Variants in FRK observed in about 807,000 individuals in gnomAD.
The protein encoded by FRK is fyn related Src family tyrosine kinase.
A neutral mutation model predicts 56.4 loss-of-function variants in FRK; 51 were observed. The observed-to-expected ratio is 0.90, with a 90% CI of 0.72 to 1.14. FRK has a LOEUF of 1.14. Ranked by LOEUF, FRK falls within the 50% of genes most tolerant of loss-of-function variation. FRK has a pLI of 0.00. For synonymous variants in FRK, 245 were observed against 217.9 expected, an observed-to-expected ratio of 1.12 and a Z score of -1.10; for missense variants, 570 against 601.4, an observed-to-expected ratio of 0.95 and a Z score of 0.55.
At chr6:115,956,183 T>G (rs1448832611) in intron 5 of FRK, among the ~76,000 whole-genome samples, 1 of 152,218 alleles carries the variant, frequency 6.6e-6, no homozygotes, top group African/African-American at 2.4e-5. Context: ...AAACATCCAT[T>G]CTTTAATTTC....
At chr6:116,037,673 T>A (rs1323103419) in intron 1 of FRK, among the ~76,000 whole-genome samples, 4 of 152,238 alleles carry the variant, frequency 2.6e-5, no homozygotes, top group African/African-American at 9.6e-5. Context: ...ATTCTCACTT[T>A]ACTTGTTTTC....
intron 1 of FRK, among the ~76,000 whole-genome samples, chr6:116,041,352 G>T (rs964323295): frequency 1.3e-4 from 20 of 152,174 alleles, no homozygotes; most frequent in Non-Finnish European, 2.5e-4. Context: ...GAAAACCAGG[G>T]CTTCTTAATT....
At chr6:115,980,738 T>C in intron 2 of FRK, among the ~76,000 whole-genome samples, 1 of 152,168 alleles carries the variant, frequency 6.6e-6, no homozygotes. Flanking sequence ...CTTGATATTC[T>C]TTCCATAAAG....
At chr6:115,996,218 T>C (rs1183156027) in intron 2 of FRK, among the ~76,000 whole-genome samples, 1 of 152,152 alleles carries the variant, frequency 6.6e-6, no homozygotes, top group South Asian at 2.1e-4. Flanking sequence ...CTGTAGTTAA[T>C]GGTAATACAA....
At chr6:116,052,716 G>A (rs978780561) in intron 1 of FRK, among the ~76,000 whole-genome samples, 7 of 152,092 alleles carry the variant, frequency 4.6e-5, no homozygotes, top group African/African-American at 1.7e-4. Flanking sequence ...GAGGGTTATA[G>A]GCAGAGAGAA....
chr6:116,027,328 G>C (rs559512361), intron 1 of FRK, among the ~76,000 whole-genome samples: 1 of 152,208 alleles, frequency 6.6e-6, no homozygotes, highest in Non-Finnish European at 1.5e-5. Flanking sequence ...GTTGACAGAA[G>C]AAAATACTTA....
chr6:116,082,129 T>C, the FRK span, among the ~76,000 whole-genome samples: 2 of 152,098 alleles, frequency 1.3e-5, no homozygotes, highest in Admixed American at 1.3e-4. Flanking sequence ...CGCTGAAAGA[T>C]CTCTGAAGGG....
At chr6:115,946,863 G>C (rs1341507832) in intron 5 of FRK, among the ~76,000 whole-genome samples, 2 of 152,124 alleles carry the variant, frequency 1.3e-5, no homozygotes, top group African/African-American at 4.8e-5. Context: ...TGAAGAAAAG[G>C]ACTAAGACAT....
Position 115,953,228 on chromosome 6 carries a change from C to T in FRK, c.958+3224G>A, listed in dbSNP as rs1484965244. On this transcript the variant is annotated intron_variant, in intron 5 of 7. Coordinates refer to ENST00000606080, the MANE Select transcript of FRK (RefSeq NM_002031.3). ...TTTTTGAGACGGAGTCTCGCTCTGT[C>T]GCCCAGGCTGGAGTGCAGTGGCGGG... Among the ~76,000 whole-genome samples, 257 of 103,288 alleles carry T rather than the reference C, an allele frequency of 2.5e-3. 2 individuals are homozygous for T. The highest frequency in any genetic ancestry group is 9.4e-3 in the African/African-American group (245 of 26,048). The allele number at this position is 103,288 out of a possible 152,430, so 67.8% of individuals were successfully genotyped here.
At chr6:116,027,127 C>T (rs930711690) in intron 1 of FRK, among the ~76,000 whole-genome samples, 39 of 152,244 alleles carry the variant, frequency 2.6e-4, no homozygotes, top group African/African-American at 8.7e-4. Context: ...TTACTAATTA[C>T]TTCACAAAGT....
rs964464839 is a variant in FRK, at chr6:115,942,178, G to C, written c.*236C>G. 1.2e-5 allele frequency: 5 copies of C among 414,234 alleles called. No homozygotes were observed. The highest frequency in any genetic ancestry group is 1.0e-4 in the African/African-American group (5 of 49,166). 25.7% of individuals were successfully genotyped at this position (414,234 alleles called of 1,614,324 possible). A position where few individuals can be genotyped will look rare whatever the true frequency, so the allele number is the denominator to read the frequency against. On this transcript the variant is annotated 3_prime_UTR_variant, in exon 8 of 8. Coordinates refer to ENST00000606080, the MANE Select transcript of FRK (RefSeq NM_002031.3). ...TTAAAAAGAAAAATAACTTGGTTTA[G>C]TGTGCTTAATTTTACCAGGCAGTGA...
At chr6:115,982,041 G>A (rs952080735) in intron 2 of FRK, among the ~76,000 whole-genome samples, 2 of 152,150 alleles carry the variant, frequency 1.3e-5, no homozygotes, top group Non-Finnish European at 2.9e-5. Context: ...GTTATTTCTG[G>A]GAGTATCTGT....
At chr6:116,013,798 G>C (rs1275616806) in intron 1 of FRK, among the ~76,000 whole-genome samples, 2 of 152,128 alleles carry the variant, frequency 1.3e-5, no homozygotes, top group African/African-American at 4.8e-5. Flanking sequence ...TTTGAGTTTA[G>C]TCAGCTAGTA....
At chr6:115,978,844 G>C (rs1259076371) in intron 2 of FRK, among the ~76,000 whole-genome samples, 1 of 151,992 alleles carries the variant, frequency 6.6e-6, no homozygotes, top group African/African-American at 2.4e-5. Context: ...TTATTTGAGA[G>C]TGTACCCTAC....
At chr6:116,016,835 C>T (rs1369864597) in intron 1 of FRK, among the ~76,000 whole-genome samples, 1 of 152,020 alleles carries the variant, frequency 6.6e-6, no homozygotes, top group Non-Finnish European at 1.5e-5. Flanking sequence ...ATGTTAATAA[C>T]TAAAGATAGT....
chr6:116,021,754 A>G (rs1419744368), intron 1 of FRK, among the ~76,000 whole-genome samples: 4 of 152,102 alleles, frequency 2.6e-5, no homozygotes, highest in Admixed American at 1.3e-4. Context: ...TCAAAGCCAT[A>G]TATTCCCTTT....
intron 3 of FRK, 117 bp downstream of exon 3, chr6:115,968,459 C>T: frequency 8.8e-7 from 1 of 1,138,260 alleles, no homozygotes; most frequent in Non-Finnish European, 1.3e-6. Context: ...CCTATACCCG[C>T]CTGAGGTAAT....
In FRK at chr6:115,956,581, C is replaced by T; in HGVS notation, c.829G>A (p.Glu277Lys). The T allele has an allele frequency of 1.3e-6, 2 of 1,580,396 alleles. No homozygotes were observed. Among genetic ancestry groups the T allele is most frequent in the African/African-American group, 1.3e-5 (1 of 74,092 alleles). The change falls in exon 5 of 8, where the codon GAG becomes AAG. Residue 277 changes from glutamate (E) to lysine (K), a missense_variant. Coordinates refer to ENST00000606080, the MANE Select transcript of FRK (RefSeq NM_002031.3). ...CTTAGGTTCTTCATTATCTGTGCCT[C>T]CCTCAGGAAGTCATTTGGATCCATT... ...GSMDPNDFLR[E>K]AQIMKNLRHP...
rs1772073058 is a variant in FRK, at chr6:115,937,504, T to A, written c.*4910A>T. On this transcript the variant is annotated 3_prime_UTR_variant, in exon 8 of 8. Coordinates refer to ENST00000606080, the MANE Select transcript of FRK (RefSeq NM_002031.3). ...TAACCTTAAATGTAAACAGGCTGAATGCCCCAAGTAAAAGACAGAATGGCA... is the reference window on the plus strand; with the variant it reads ...TAACCTTAAATGTAAACAGGCTGAAAGCCCCAAGTAAAAGACAGAATGGCA... 1 of 152,150 alleles carries A rather than the reference T, an allele frequency of 6.6e-6. No individual in the cohort carries two copies. The highest frequency in any genetic ancestry group is 2.1e-4 in the South Asian group (1 of 4,830). The allele number at this position is 152,150 out of a possible 1,614,324, so 9.4% of individuals were successfully genotyped here.
Sources: gnomAD v4.1 joint callset for allele counts (sites outside exome capture counted in the v4.1 genomes callset) on GRCh38, gnomAD v4.1.1 for gene constraint, MANE v1.5 for transcripts, NCBI Gene and HGNC (gene_info 2026-07-23, HGNC 2026-07-21) for gene names.